SLC47A2: variants seen among roughly 807,000 people sequenced by gnomAD.
SLC47A2 encodes the protein multidrug and toxin extrusion protein 2.
In SLC47A2, 52 loss-of-function variants were observed where a neutral mutation model predicts 67.7. That is an observed-to-expected ratio of 0.77 (90% CI 0.61 to 0.97). The LOEUF is 0.97. SLC47A2 is among the 50% of genes least tolerant of loss of function. SLC47A2 has a pLI of 0.00. For synonymous variants in SLC47A2, 278 were observed against 292.9 expected (o/e 0.95, Z 0.52); for missense variants, 676 against 712.3 (o/e 0.95, Z 0.58).
rs568618020 is a variant in SLC47A2 at position 19,689,177 on chromosome 17, G to C, written c.1165-7507C>G. Among the ~76,000 whole-genome samples, 3 of 152,256 alleles carry C rather than the reference G, an allele frequency of 2.0e-5. No homozygotes were observed. The East Asian group carries it at 5.8e-4, about 29-fold the overall frequency. On this transcript the variant is annotated intron_variant, in intron 13 of 16. Transcript: ENST00000433844. ...CTGCCTCAGCCTCCCAAAATGCTGGGATTACAGTTGTGAGCCACCATGTCT... is the reference window on the plus strand; with the variant it reads ...CTGCCTCAGCCTCCCAAAATGCTGGCATTACAGTTGTGAGCCACCATGTCT...
intron 6 of SLC47A2, 145 bp downstream of exon 6, chr17:19,708,571 G>A: frequency 1.2e-6 from 2 of 1,604,252 alleles, no homozygotes; most frequent in Middle Eastern, 1.7e-4. Flanking sequence ...CGGGAGGTCA[G>A]GATATGGCAG....
chr17:19,715,181 C>T lies in SLC47A2; in HGVS notation c.160G>A (p.Val54Met), dbSNP rs780099375. The stretch of plus-strand genomic sequence containing the variant: ...AGGTGCCCGCAGAACACAGTGCTCA[C>T]GATGTAGATCATAAAAGTCAGCACC... ...FQVLTFMIYI[V>M]STVFCGHLGK... The change falls in exon 2 of 17, where the codon GTG (valine) becomes ATG (methionine). Residue 54 changes from valine (V) to methionine (M), a missense_variant. Transcript: ENST00000433844. 29 of 1,611,716 alleles carry T rather than the reference C, an allele frequency of 1.8e-5. No homozygotes were observed. Among genetic ancestry groups the T allele is most frequent in the African/African-American group, 1.2e-4 (9 of 74,940 alleles).
At chr17:19,706,962 C>A (rs967210582) in intron 8 of SLC47A2, among the ~76,000 whole-genome samples, 17 of 152,176 alleles carry the variant, frequency 1.1e-4, no homozygotes, top group Admixed American at 1.3e-4. Flanking sequence ...GATGCAGGAA[C>A]AGGGCACCAG....
intron 8 of SLC47A2, among the ~76,000 whole-genome samples, chr17:19,707,218 A>C (rs979549667): frequency 3.3e-5 from 5 of 152,272 alleles, no homozygotes; most frequent in African/African-American, 7.2e-5. Flanking sequence ...ATGAGGCCCC[A>C]GGGGCCTGCA....
rs2086172630 is a variant in SLC47A2, at chr17:19,713,875, G to C, written c.393C>G (p.Leu131=). 1 of 1,613,646 alleles carries C rather than the reference G, an allele frequency of 6.2e-7. No individual in the cohort carries two copies. The highest frequency in any genetic ancestry group is 1.3e-5 in the African/African-American group (1 of 74,944). Reference sequence around the variant, plus strand: ...AGAGCAGCAGGATGTGCTGGGTGTTGAGGAAGAGCGCCCAGCAAGGGAGGC... The same window carrying C: ...AGAGCAGCAGGATGTGCTGGGTGTTCAGGAAGAGCGCCCAGCAAGGGAGGC... ...LCCLPCWALF[L]NTQHILLLFR... Residue 131 remains leucine, a synonymous_variant, in exon 4 of 17, where the codon CTC becomes CTG. Coordinates refer to ENST00000433844, the MANE Select transcript of SLC47A2 (RefSeq NM_001099646.3).
chr17:19,704,559 G>C, intron 10 of SLC47A2: 3 of 1,298,148 alleles, frequency 2.3e-6, no homozygotes, highest in Non-Finnish European at 3.1e-6. Flanking sequence ...GAAACCACTT[G>C]TAAAAATAAG....
At chr17:19,714,395 A>C (rs914184922) in intron 3 of SLC47A2, 3 of 473,984 alleles carry the variant, frequency 6.3e-6, no homozygotes, top group Non-Finnish European at 1.2e-5. Flanking sequence ...CCTTCGACAC[A>C]TGCCTGCATG....
rs776308960 is a variant in SLC47A2, at chr17:19,704,250, G to T, written c.910-72C>A. 13 of 1,292,756 alleles carry T rather than the reference G, an allele frequency of 1.0e-5. No individual in the cohort carries two copies. The South Asian group carries it at 1.7e-4, about 16-fold the overall frequency. The allele number at this position is 1,292,756 out of a possible 1,614,324, so 80.1% of individuals were successfully genotyped here. ...CCCCTGAAGTCCTGAGCCAGCCTGG[G>T]CCAAGAGGGACGTGAGCGGGAAGGC... On this transcript the variant is annotated intron_variant, in intron 10 of 16. Coordinates refer to ENST00000433844, the MANE Select transcript of SLC47A2 (RefSeq NM_001099646.3).
intron 4 of SLC47A2, 30 bp downstream of exon 4, chr17:19,713,795 C>T (rs765061613): frequency 1.9e-6 from 3 of 1,592,972 alleles, no homozygotes; most frequent in Non-Finnish European, 2.6e-6. Flanking sequence ...TCCCAGCAAG[C>T]CCCACCTCCC....
intron 13 of SLC47A2, among the ~76,000 whole-genome samples, chr17:19,698,338 C>T (rs2085710891): frequency 6.6e-6 from 1 of 152,066 alleles, no homozygotes; most frequent in Non-Finnish European, 1.5e-5. Flanking sequence ...AGTTACTTCT[C>T]GTATCAGTAC....
At chr17:19,703,998 C>T in intron 11 of SLC47A2, 72 bp downstream of exon 11, 3 of 1,241,218 alleles carry the variant, frequency 2.4e-6, no homozygotes, top group Non-Finnish European at 2.2e-6. Flanking sequence ...TCCAGCATGC[C>T]AGCCTTCCTG....
At chr17:19,715,065 G>T in intron 2 of SLC47A2, 51 bp downstream of exon 2, 1 of 1,581,708 alleles carries the variant, frequency 6.3e-7, no homozygotes, top group South Asian at 1.1e-5. Flanking sequence ...GAACCCGGTG[G>T]AGAAGCCTGG....
At chr17:19,706,984 C>T (rs2085957130) in intron 8 of SLC47A2, among the ~76,000 whole-genome samples, 1 of 152,204 alleles carries the variant, frequency 6.6e-6, no homozygotes, top group Non-Finnish European at 1.5e-5. Flanking sequence ...CTCACCTGGC[C>T]AGTCCACGGT....
In SLC47A2 at chr17:19,685,584, A is replaced by G. The variant is rs1333801512; in HGVS notation, c.1165-3914T>C. Among the ~76,000 whole-genome samples, 1 of 152,174 alleles carries G rather than the reference A, an allele frequency of 6.6e-6. No homozygotes were observed. Among genetic ancestry groups the G allele is most frequent in the Non-Finnish European group, 1.5e-5 (1 of 68,038 alleles). ...GGGCGGTGCAAGATGTGCTTTGTTA[A>G]ACAGATGCTTGAAGGCAGCATGCTC... On this transcript the variant is annotated intron_variant, in intron 13 of 16. Transcript: ENST00000433844. The surrounding 1 kb of genome is among the most constrained non-coding windows in gnomAD (Gnocchi z 4.5).
Position 19,705,304 on chromosome 17 carries a change from G to A in SLC47A2, c.909+132C>T, listed in dbSNP as rs2152352086. ...GTAAGCTGAGCAGGGTCTGGACCTG[G>A]TGGGCACGAGAGGCCCGGGGAGGGT... On this transcript the variant is annotated intron_variant, in intron 10 of 16. Transcript: ENST00000433844. 5.6e-6 allele frequency: 5 copies of A among 895,434 alleles called. No homozygotes were observed. The Admixed American group carries it at 7.2e-5, about 13-fold the overall frequency. The allele number at this position is 895,434 out of a possible 1,614,324, so 55.5% of individuals were successfully genotyped here.
At chr17:19,708,508 C>G (rs2086007340) in intron 6 of SLC47A2, 109 bp from the exon 7 acceptor site, 6 of 1,613,810 alleles carry the variant, frequency 3.7e-6, no homozygotes, top group Admixed American at 1.7e-5. Flanking sequence ...TCAGCCATCC[C>G]TGTTGAGGAG....
At chr17:19,708,980 G>A (rs536702435) in intron 5 of SLC47A2, among the ~76,000 whole-genome samples, 19 of 152,380 alleles carry the variant, frequency 1.2e-4, no homozygotes, top group Admixed American at 1.2e-3. Context: ...GCTCCCTTCT[G>A]CCACAGGGGA....
chr17:19,711,588 C>CG (rs550263436), intron 5 of SLC47A2, among the ~76,000 whole-genome samples: 1 of 33,002 alleles, frequency 3.0e-5, no homozygotes, highest in Admixed American at 4.4e-4. Flanking sequence ...AACTCCGTCT[C>CG]AAAAAAAAAA....
At chr17:19,710,235 G>A (rs1311707035) in intron 5 of SLC47A2, among the ~76,000 whole-genome samples, 1 of 152,176 alleles carries the variant, frequency 6.6e-6, no homozygotes, top group African/African-American at 2.4e-5. Context: ...GCACTGGGCT[G>A]CAGAAGAGAC....
Sources: gnomAD v4.1 joint callset for allele counts (sites outside exome capture counted in the v4.1 genomes callset) on GRCh38, gnomAD v4.1.1 for gene constraint, Gnocchi (gnomAD v3.1) non-coding constraint, MANE v1.5 for transcripts, NCBI Gene and HGNC (gene_info 2026-07-23, HGNC 2026-07-21) for gene names.